Variants in HIVEP2 observed in about 807,000 individuals in gnomAD.
The protein encoded by HIVEP2 is HIVEP zinc finger 2, also known as transcription factor HIVEP2.
HIVEP2 carries 14 observed loss-of-function variants against 180.7 expected under a neutral mutation model. That is an observed-to-expected ratio of 0.08 (90% confidence interval 0.05 to 0.12). The LOEUF is 0.12. HIVEP2 is among the 10% of genes least tolerant of loss of function. The pLI is 1.00. For synonymous variants in HIVEP2, 1,184 were observed against 1,136.4 expected (o/e 1.04, Z -0.84); for missense variants, 2,579 against 3,008.5 (o/e 0.86, Z 3.34).
At position 142,761,878 on chromosome 6, in the gene HIVEP2, A is replaced by G. The variant is rs539081967; in HGVS notation, c.5519-313T>C. On this transcript the variant is annotated intron_variant, in intron 7 of 9. Coordinates refer to ENST00000367603, the MANE Select transcript of HIVEP2 (RefSeq NM_006734.4). ...GAAATCCCAGGCTTTTCTGCCTGAG[A>G]AGGGACCTCATATCTACCCAAATAC... is the stretch of plus-strand genomic sequence containing the variant. Among the ~76,000 whole-genome samples, 8 of 152,286 alleles carry G rather than the reference A, an allele frequency of 5.3e-5. No homozygotes were observed. The East Asian group carries it at 1.5e-3, about 29-fold the overall frequency.
rs756912411 is a variant in HIVEP2 at position 142,753,145 on chromosome 6, T to C, written c.7303A>G (p.Ser2435Gly). The C allele has an allele frequency of 3.1e-6, 5 of 1,612,406 alleles. No homozygotes were observed. In the South Asian group the frequency reaches 5.5e-5, roughly 18 times the overall value. The change falls in exon 10 of 10, where the codon AGC becomes GGC. Residue 2435 changes from serine to glycine, a missense_variant. Transcript: ENST00000367603. ...SKELSSSTEE[S>G]KDPSSEKSQL... ...CTCTTTTCTGATGAAGGATCTTTGC[T>C]TTCCTCTGTGCTTGAAGATAATTCC...
chr6:142,842,503 T>C (rs549289796), intron 1 of HIVEP2, among the ~76,000 whole-genome samples: 24 of 152,214 alleles, frequency 1.6e-4, no homozygotes, highest in Non-Finnish European at 2.5e-4. Flanking sequence ...TGTGTGTAGA[T>C]AGGCAAATAA....
chr6:142,872,036 A>G (rs1391351673), intron 1 of HIVEP2, among the ~76,000 whole-genome samples: 1 of 152,136 alleles, frequency 6.6e-6, no homozygotes, highest in Non-Finnish European at 1.5e-5. Context: ...AATCACTGCC[A>G]TTACCCGAGA....
chr6:142,832,598 T>C (rs1055187884), intron 2 of HIVEP2, among the ~76,000 whole-genome samples: 7 of 152,248 alleles, frequency 4.6e-5, no homozygotes, highest in African/African-American at 1.7e-4. Context: ...ATTTTTCTCT[T>C]GGCAATTCAT....
intron 1 of HIVEP2, among the ~76,000 whole-genome samples, chr6:142,874,107 T>C (rs1057326176): frequency 6.6e-6 from 1 of 152,166 alleles, no homozygotes; most frequent in African/African-American, 2.4e-5. Context: ...CGGGATATTT[T>C]CACAGAGCTT....
At chr6:142,826,598 T>C (rs1343373357) in intron 2 of HIVEP2, among the ~76,000 whole-genome samples, 1 of 152,156 alleles carries the variant, frequency 6.6e-6, no homozygotes, top group East Asian at 1.9e-4. Context: ...GGAATCCCAA[T>C]GTTGTAATAG....
At chr6:142,799,348 G>T (rs151274711) in intron 2 of HIVEP2, among the ~76,000 whole-genome samples, 1 of 152,180 alleles carries the variant, frequency 6.6e-6, no homozygotes, top group East Asian at 1.9e-4. Context: ...CCTAAGTGCA[G>T]CCCGGGAGGA....
chr6:142,853,653 G>A (rs539099731), intron 1 of HIVEP2, among the ~76,000 whole-genome samples: 37 of 152,244 alleles, frequency 2.4e-4, no homozygotes, highest in Non-Finnish European at 4.0e-4. Flanking sequence ...AATAGGATAT[G>A]AAACTGCCTT....
intron 2 of HIVEP2, among the ~76,000 whole-genome samples, chr6:142,818,659 ACT>A (rs1198171764): frequency 7.3e-6 from 1 of 136,244 alleles, no homozygotes; most frequent in Non-Finnish European, 1.6e-5. Context: ...ACAGAGTAAA[ACT>A]CTGTCAAAAA....
chr6:142,860,378 C>T (rs1582920046), intron 1 of HIVEP2, among the ~76,000 whole-genome samples: 1 of 152,142 alleles, frequency 6.6e-6, no homozygotes, highest in Non-Finnish European at 1.5e-5. Flanking sequence ...GGACTGGTTT[C>T]GTGGAAGACA....
intron 1 of HIVEP2, among the ~76,000 whole-genome samples, chr6:142,907,890 C>A (rs1777308161): frequency 6.6e-6 from 1 of 152,142 alleles, no homozygotes; most frequent in East Asian, 1.9e-4. Context: ...ATTTATTTCA[C>A]CCCATGTATT....
intron 1 of HIVEP2, among the ~76,000 whole-genome samples, chr6:142,837,438 AG>A (rs1414332163): frequency 6.6e-6 from 1 of 152,088 alleles, no homozygotes; most frequent in African/African-American, 2.4e-5. Context: ...GAAAATTTGT[AG>A]GTGACAGTTC....
chr6:142,760,237 G>A lies in HIVEP2; in HGVS notation c.6051C>T (p.Asp2017=), dbSNP rs1436551736. ...TDSEPDKDRL[D]IPSCMDEECM... ...ACTCCTCATCCATACAACTAGGTAT[G>A]TCCAATCTGTCTTTGTCTGGTTCTG... is the stretch of plus-strand genomic sequence containing the variant. The change falls in exon 9 of 10, where the codon GAC becomes GAT. Residue 2017 remains aspartate, a synonymous_variant. Transcript: ENST00000367603. The A allele has an allele frequency of 3.1e-6, 5 of 1,614,026 alleles. No individual in the cohort carries two copies. In the African/African-American group the frequency reaches 6.7e-5, roughly 22 times the overall value.
chr6:142,766,853 C>T (rs1425844365), intron 6 of HIVEP2, among the ~76,000 whole-genome samples: 1 of 152,096 alleles, frequency 6.6e-6, no homozygotes, highest in Non-Finnish European at 1.5e-5. Context: ...TATACACTTA[C>T]AATTTTGGTC....
chr6:142,891,832 T>C (rs1776868316), intron 1 of HIVEP2, among the ~76,000 whole-genome samples: 1 of 152,230 alleles, frequency 6.6e-6, no homozygotes, highest in African/African-American at 2.4e-5. Context: ...TCTCAAACAC[T>C]GTAATCCCTC....
At chr6:142,849,018 G>A (rs928506725) in intron 1 of HIVEP2, among the ~76,000 whole-genome samples, 8 of 152,114 alleles carry the variant, frequency 5.3e-5, no homozygotes, top group African/African-American at 1.7e-4. Flanking sequence ...TTTCTACCTG[G>A]TGAAATCTAT....
chr6:142,926,951 G>C (rs1562295153), intron 1 of HIVEP2, among the ~76,000 whole-genome samples: 2 of 151,914 alleles, frequency 1.3e-5, no homozygotes, highest in Non-Finnish European at 2.9e-5. Context: ...GCTCCCTCGG[G>C]TGTCAGCGGA....
intron 1 of HIVEP2, among the ~76,000 whole-genome samples, chr6:142,840,066 A>T (rs1374310599): frequency 6.6e-6 from 1 of 152,142 alleles, no homozygotes; most frequent in African/African-American, 2.4e-5. Context: ...GTTCAGAGTG[A>T]GAGAGAACAG....
Position 142,753,191 on chromosome 6 carries a change from C to T in HIVEP2, c.7257G>A (p.Gln2419=), listed in dbSNP as rs1379471689. 2 of 1,613,956 alleles carry T rather than the reference C, an allele frequency of 1.2e-6. No homozygotes were observed. Among genetic ancestry groups the T allele is most frequent in the Non-Finnish European group, 1.7e-6 (2 of 1,179,896 alleles). ...ATTCCTTGCTGCTGTGAAAGTCCAA[C>T]TGCTTGTCATCCACACAACTCTTGC... ...FYSKSCVDDK[Q]LDFHSSKELS... Residue 2419 remains glutamine (Q), a synonymous_variant, in exon 10 of 10, where the codon CAG becomes CAA. Coordinates refer to ENST00000367603, the MANE Select transcript of HIVEP2 (RefSeq NM_006734.4).
Sources: allele counts gnomAD v4.1 joint callset (sites outside exome capture counted in the v4.1 genomes callset), GRCh38; gene constraint gnomAD v4.1.1; transcripts MANE v1.5; gene names NCBI Gene and HGNC (gene_info 2026-07-23, HGNC 2026-07-21).